KCNN2: variants seen among roughly 807,000 people sequenced by gnomAD.
KCNN2 encodes small conductance calcium-activated potassium channel protein 2.
KCNN2 carries 24 observed loss-of-function variants against 55.5 expected under a neutral mutation model. The observed-to-expected ratio is 0.43, with a 90% CI of 0.31 to 0.61. The LOEUF is 0.61. Ranked by LOEUF, KCNN2 falls within the 20% of genes least tolerant of loss-of-function variation. The pLI, the probability that KCNN2 is intolerant of heterozygous loss-of-function variation, is 0.08. For synonymous variants in KCNN2, 431 were observed against 336.1 expected (o/e 1.28, Z -3.09); for missense variants, 754 against 853.6 (o/e 0.88, Z 1.45).
intron 1 of KCNN2, among the ~76,000 whole-genome samples, chr5:114,219,300 G>A (rs914123860): frequency 6.6e-6 from 1 of 152,238 alleles, no homozygotes; most frequent in Admixed American, 6.5e-5. Context: ...CAAAGGGTCA[G>A]TGTGACAGCC....
intron 3 of KCNN2, among the ~76,000 whole-genome samples, chr5:114,450,137 C>T (rs1367947254): frequency 1.3e-5 from 2 of 152,220 alleles, no homozygotes; most frequent in Admixed American, 6.5e-5. Flanking sequence ...GTCAGCTGGC[C>T]GCTACCCATC....
chr5:114,457,589 A>G (rs6864302), intron 3 of KCNN2, among the ~76,000 whole-genome samples: 7,523 of 152,238 alleles, frequency 0.049, 587 homozygotes, highest in African/African-American at 0.17. Flanking sequence ...ACTGCAGTCT[A>G]TCTTCAAGCG....
intron 1 of KCNN2, among the ~76,000 whole-genome samples, chr5:114,096,042 C>G (rs1467913194): frequency 1.3e-5 from 2 of 152,116 alleles, no homozygotes; most frequent in Admixed American, 1.3e-4. Flanking sequence ...TTGAAGTCCC[C>G]TGGGGACTGA....
At chr5:114,418,676 TA>T (rs1759379530) in intron 3 of KCNN2, among the ~76,000 whole-genome samples, 1 of 152,184 alleles carries the variant, frequency 6.6e-6, no homozygotes, top group African/African-American at 2.4e-5. Context: ...TGAGTAACCC[TA>T]AAGCAGCATT....
At chr5:114,409,097 A>G (rs754904266) in intron 3 of KCNN2, among the ~76,000 whole-genome samples, 29 of 152,216 alleles carry the variant, frequency 1.9e-4, no homozygotes, top group Non-Finnish European at 4.0e-4. Context: ...TTAGGGGCTG[A>G]GTGACCTCAG....
intron 2 of KCNN2, among the ~76,000 whole-genome samples, chr5:114,297,113 T>C (rs1006354559): frequency 6.6e-6 from 1 of 152,318 alleles, no homozygotes; most frequent in Non-Finnish European, 1.5e-5. Context: ...AAATATAGGA[T>C]TGAATATTCA....
intron 2 of KCNN2, among the ~76,000 whole-genome samples, chr5:114,320,965 C>A (rs1487381752): frequency 6.6e-6 from 1 of 152,198 alleles, no homozygotes; most frequent in Non-Finnish European, 1.5e-5. Context: ...TTGCACAGAT[C>A]TCTGATGGAA....
intron 2 of KCNN2, among the ~76,000 whole-genome samples, chr5:114,221,781 A>G (rs981552025): frequency 6.6e-6 from 1 of 152,208 alleles, no homozygotes; most frequent in African/African-American, 2.4e-5. Context: ...CATAATAGGC[A>G]CACAAAAATA....
intron 7 of KCNN2, 70 bp downstream of exon 7, chr5:114,493,542 G>A (rs529931686): frequency 1.4e-5 from 15 of 1,078,844 alleles, no homozygotes; most frequent in Non-Finnish European, 2.0e-5. Context: ...CACTAATCAT[G>A]AATGTTTCAA....
At chr5:114,218,249 A>T (rs1754049704) in intron 1 of KCNN2, among the ~76,000 whole-genome samples, 1 of 152,216 alleles carries the variant, frequency 6.6e-6, no homozygotes, top group Non-Finnish European at 1.5e-5. Context: ...ACCCAAAGGA[A>T]TAGAAAAGTT....
chr5:114,104,740 G>A (rs1751445116), intron 1 of KCNN2, among the ~76,000 whole-genome samples: 1 of 151,972 alleles, frequency 6.6e-6, no homozygotes, highest in African/African-American at 2.4e-5. Flanking sequence ...ACCTCAGAAT[G>A]GGGAGATGGA....
At chr5:114,430,471 T>G (rs1253351651) in intron 3 of KCNN2, among the ~76,000 whole-genome samples, 1 of 152,128 alleles carries the variant, frequency 6.6e-6, no homozygotes, top group African/African-American at 2.4e-5. Context: ...TCCTGCAACC[T>G]TGCAATACTT....
intron 1 of KCNN2, among the ~76,000 whole-genome samples, chr5:114,145,906 T>C (rs1752389638): frequency 6.6e-6 from 1 of 152,006 alleles, no homozygotes; most frequent in African/African-American, 2.4e-5. Context: ...GGAGTTAGCG[T>C]GGTTATTTTT....
At chr5:114,078,043 G>C (rs1317457560) in intron 1 of KCNN2, among the ~76,000 whole-genome samples, 1 of 152,126 alleles carries the variant, frequency 6.6e-6, no homozygotes, top group Non-Finnish European at 1.5e-5. Flanking sequence ...TGAGGAAAAC[G>C]ATCAGTACAG....
intron 2 of KCNN2, among the ~76,000 whole-genome samples, chr5:114,306,687 ATTTT>A (rs377020234): frequency 1.4e-4 from 1 of 7,252 alleles, no homozygotes; most frequent in African/African-American, 2.1e-4. Flanking sequence ...TCACACTTAA[ATTTT>A]TTTTTTTTCT....
At position 114,226,758 on chromosome 5, in the gene KCNN2, G is replaced by A. The variant is rs576260002; in HGVS notation, c.-185+5193G>A. Among the ~76,000 whole-genome samples, 5 of 151,954 alleles carry A rather than the reference G, an allele frequency of 3.3e-5. 1 individual carries two copies. Among genetic ancestry groups the A allele is most frequent in the African/African-American group, 9.6e-5 (4 of 41,458 alleles). Reference sequence around the variant, plus strand: ...CTACTAAAAATACAAAAAATCAACCGGGCATGGTGGCGGGCACCTGTAGTC... The same window carrying A: ...CTACTAAAAATACAAAAAATCAACCAGGCATGGTGGCGGGCACCTGTAGTC... On this transcript the variant is annotated intron_variant, in intron 2 of 10. Transcript: ENST00000512097.
At chr5:114,238,547 A>G (rs1754554254) in intron 2 of KCNN2, among the ~76,000 whole-genome samples, 1 of 150,724 alleles carries the variant, frequency 6.6e-6, no homozygotes, top group Non-Finnish European at 1.5e-5. Context: ...AATCGCTTGA[A>G]CCCAGGAGGC....
In KCNN2 at chr5:114,158,246, T is replaced by C. The variant is rs185773915; in HGVS notation, c.-270-63234T>C. Among the ~76,000 whole-genome samples, 84 of 152,316 alleles carry C rather than the reference T, an allele frequency of 5.5e-4. No homozygotes were observed. In the East Asian group the frequency reaches 0.015, roughly 28 times the overall value. ...TGACTAGCCAGTTTTCCCAGCAGCA[T>C]TTGTTAAGTAGGGAATCCTTCCCCA... is the stretch of plus-strand genomic sequence containing the variant. On this transcript the variant is annotated intron_variant, in intron 1 of 10. Coordinates refer to the KCNN2 transcript ENST00000512097.
In KCNN2 at chr5:114,075,422, C is replaced by T. The variant is rs1750665443; in HGVS notation, c.-271+18922C>T. Among the ~76,000 whole-genome samples, 2 of 152,156 alleles carry T rather than the reference C, an allele frequency of 1.3e-5. 1 individual carries two copies. Among genetic ancestry groups the T allele is most frequent in the South Asian group, 4.1e-4 (2 of 4,832 alleles). On this transcript the variant is annotated intron_variant, in intron 1 of 10. Transcript: ENST00000512097. ...ATTTGCTAAAAAATTTCCAATTTCT[C>T]TTTGATCTGAAGACTCACAAATTTC... is the stretch of plus-strand genomic sequence containing the variant.
Sources: allele counts gnomAD v4.1 joint callset (sites outside exome capture counted in the v4.1 genomes callset), GRCh38; gene constraint gnomAD v4.1.1; transcripts MANE v1.5; gene names NCBI Gene and HGNC (gene_info 2026-07-23, HGNC 2026-07-21).